Variants in GPC6 observed in about 807,000 individuals in gnomAD.
GPC6 encodes the protein glypican-6.
A neutral mutation model predicts 55.2 loss-of-function variants in GPC6; 14 were observed. The observed-to-expected ratio is 0.25, with a 90% CI of 0.17 to 0.40. The LOEUF is 0.40. GPC6 is among the 10% of genes least tolerant of loss of function. The pLI, the probability that GPC6 is intolerant of heterozygous loss-of-function variation, is 1.00. For synonymous variants in GPC6, 278 were observed against 259.6 expected (o/e 1.07, Z -0.68); for missense variants, 641 against 708.5 (o/e 0.90, Z 1.08).
chr13:94,312,710 A>ACACGCG (rs1235921844), intron 6 of GPC6, among the ~76,000 whole-genome samples: 1 of 128,234 alleles, frequency 7.8e-6, no homozygotes, highest in Non-Finnish European at 1.7e-5. Context: ...ACACACACGC[A>ACACGCG]CACGCGCACG....
At chr13:93,765,252 C>CCAGATAAGCTGTCTGGAAAGACAACTTTG (rs1885082786) in intron 2 of GPC6, among the ~76,000 whole-genome samples, 2 of 78,332 alleles carry the variant, frequency 2.6e-5, no homozygotes, top group Non-Finnish European at 7.5e-5. Context: ...AGACAACTTT[C>CCAGATAAGCTGTCTGGAAAGACAACTTTG]CAGATAAGCT....
chr13:94,213,133 G>A (rs539107223), intron 4 of GPC6, among the ~76,000 whole-genome samples: 2 of 152,306 alleles, frequency 1.3e-5, no homozygotes, highest in African/African-American at 2.4e-5. Context: ...TCCAGCCTGG[G>A]TGACATAGCA....
chr13:93,283,840 T>C (rs1878028474), intron 1 of GPC6, among the ~76,000 whole-genome samples: 1 of 152,238 alleles, frequency 6.6e-6, no homozygotes, highest in Non-Finnish European at 1.5e-5. Flanking sequence ...ACTTGATTAA[T>C]ATTTAATTGG....
At chr13:93,463,662 T>C (rs1285295305) in intron 1 of GPC6, among the ~76,000 whole-genome samples, 2 of 152,204 alleles carry the variant, frequency 1.3e-5, no homozygotes, top group African/African-American at 4.8e-5. Context: ...TGTTAGGACC[T>C]GAATGACAAC....
intron 2 of GPC6, among the ~76,000 whole-genome samples, chr13:93,797,360 A>C (rs955334446): frequency 3.3e-5 from 5 of 152,164 alleles, no homozygotes; most frequent in African/African-American, 1.2e-4. Flanking sequence ...CAAGAAACCA[A>C]CTGAGAACAG....
intron 7 of GPC6, among the ~76,000 whole-genome samples, chr13:94,397,024 A>G (rs1430956841): frequency 6.6e-6 from 1 of 152,154 alleles, no homozygotes; most frequent in Non-Finnish European, 1.5e-5. Flanking sequence ...TGTGCGTCAA[A>G]TGTTTTACTG....
chr13:93,770,849 A>T (rs1885266513), intron 2 of GPC6, among the ~76,000 whole-genome samples: 1 of 152,148 alleles, frequency 6.6e-6, no homozygotes, highest in South Asian at 2.1e-4. Flanking sequence ...TCTTGGTCAA[A>T]TAAGGTTACA....
chr13:94,150,051 G>T (rs1887684926), intron 4 of GPC6, among the ~76,000 whole-genome samples: 1 of 152,010 alleles, frequency 6.6e-6, no homozygotes, highest in South Asian at 2.1e-4. Context: ...TCTGTATCAT[G>T]AACTTCCTTC....
intron 2 of GPC6, among the ~76,000 whole-genome samples, chr13:93,651,737 C>A (rs1193258427): frequency 1.3e-5 from 2 of 152,100 alleles, no homozygotes; most frequent in African/African-American, 4.8e-5. Context: ...CTTGCTTCAC[C>A]AGCTCAGGCA....
intron 4 of GPC6, among the ~76,000 whole-genome samples, chr13:94,246,045 G>C (rs1261107724): frequency 6.6e-6 from 1 of 151,936 alleles, no homozygotes; most frequent in Non-Finnish European, 1.5e-5. Flanking sequence ...CTTTTTTATA[G>C]TAGACATTCT....
rs188209678 is a variant in GPC6 at position 93,435,571 on chromosome 13, A to G, written c.161-109692A>G. The stretch of plus-strand genomic sequence containing the variant: ...AATAGCAGAGAAATTTCCTTTTACT[A>G]TGCCAGAAAACCACCAACGAAAGAA... On this transcript the variant is annotated intron_variant, in intron 1 of 8. Transcript: ENST00000377047. 3.3e-5 allele frequency among the ~76,000 whole-genome samples: 5 copies of G among 151,944 alleles called. No individual in the cohort carries two copies. The East Asian group carries it at 7.7e-4, about 23-fold the overall frequency.
intron 2 of GPC6, among the ~76,000 whole-genome samples, chr13:93,637,334 C>T (rs1197497775): frequency 6.6e-6 from 1 of 152,092 alleles, no homozygotes; most frequent in Non-Finnish European, 1.5e-5. Context: ...ATTTGAGCCT[C>T]CTCATTCCCT....
chr13:93,903,167 T>G (rs747299874), intron 3 of GPC6, among the ~76,000 whole-genome samples: 33 of 152,188 alleles, frequency 2.2e-4, no homozygotes, highest in Non-Finnish European at 4.1e-4. Flanking sequence ...GCAAGGTTTT[T>G]TTGGATACAG....
upstream of GPC6, among the ~76,000 whole-genome samples, chr13:93,225,584 A>G (rs75431599): frequency 2.5e-3 from 386 of 152,086 alleles, 4 homozygotes; most frequent in East Asian, 0.012. Context: ...AAATAAGTCG[A>G]CTTCATTTTT....
chr13:93,888,187 T>G, intron 3 of GPC6, among the ~76,000 whole-genome samples: 1 of 152,184 alleles, frequency 6.6e-6, no homozygotes, highest in East Asian at 1.9e-4. Flanking sequence ...TTTGGACAGT[T>G]GTGTTTCCAA....
At chr13:94,082,136 C>T (rs193151280) in intron 4 of GPC6, among the ~76,000 whole-genome samples, 5 of 152,174 alleles carry the variant, frequency 3.3e-5, no homozygotes, top group East Asian at 3.9e-4. Context: ...CCACTGCGCC[C>T]GGTCTACTTT....
chr13:93,252,196 G>C (rs1289066844), intron 1 of GPC6, among the ~76,000 whole-genome samples: 2 of 152,170 alleles, frequency 1.3e-5, no homozygotes, highest in African/African-American at 4.8e-5. Flanking sequence ...GCAGGTGCTG[G>C]TGTTCTCTGG....
chr13:94,111,473 TATAATAATAATAATA>T (rs149246452), intron 4 of GPC6, among the ~76,000 whole-genome samples: 97 of 144,430 alleles, frequency 6.7e-4, no homozygotes, highest in Middle Eastern at 3.7e-3. Context: ...TTAAAGTAAA[TATAATAATAATAATA>T]ATAATAATAA....
chr13:93,942,719 A>G (rs968964894), intron 3 of GPC6, among the ~76,000 whole-genome samples: 1 of 152,146 alleles, frequency 6.6e-6, no homozygotes, highest in Non-Finnish European at 1.5e-5. Context: ...AAGAGGAGGG[A>G]TTACACAGGG....
Sources: allele counts gnomAD v4.1 joint callset (sites outside exome capture counted in the v4.1 genomes callset), GRCh38; gene constraint gnomAD v4.1.1; transcripts MANE v1.5; gene names NCBI Gene and HGNC (gene_info 2026-07-23, HGNC 2026-07-21).